The following TMEM50A variants were observed in gnomAD, a reference collection of about 807,000 sequenced individuals.
TMEM50A encodes transmembrane protein 50A.
A neutral mutation model predicts 23.9 loss-of-function variants in TMEM50A; 8 were observed. The observed-to-expected ratio is 0.33, with a 90% CI of 0.20 to 0.60. The LOEUF (loss-of-function observed/expected upper bound fraction) is 0.60. Ranked by LOEUF, TMEM50A falls within the 20% of genes least tolerant of loss-of-function variation. The probability of loss-of-function intolerance (pLI) is 0.81; values close to 1 mark genes in which losing one functional copy is unlikely to be tolerated. For synonymous variants in TMEM50A, 55 were observed against 60.4 expected (o/e 0.91, Z 0.41); for missense variants, 178 against 192.7 (o/e 0.92, Z 0.45).
intron 3 of TMEM50A, among the ~76,000 whole-genome samples, chr1:25,351,080 C>T (rs1341018869): frequency 2.0e-5 from 3 of 150,010 alleles, no homozygotes; most frequent in Non-Finnish European, 2.9e-5. Flanking sequence ...AGGAGAATGG[C>T]GTAAAACCTG....
chr1:25,356,742 A>ACTAAAT, intron 5 of TMEM50A, 51 bp from the exon 6 acceptor site: 1 of 1,361,754 alleles, frequency 7.3e-7, no homozygotes, highest in African/African-American at 1.5e-5. Context: ...TATATCTGAA[A>ACTAAAT]CTAAATGTTT....
At chr1:25,345,782 G>A (rs537117209) in intron 3 of TMEM50A, among the ~76,000 whole-genome samples, 3 of 149,604 alleles carry the variant, frequency 2.0e-5, no homozygotes, top group African/African-American at 7.5e-5. Flanking sequence ...ATTTTAGTTT[G>A]TTTATTTATT....
Position 25,362,242 on chromosome 1 carries a change from T to C in TMEM50A, c.*1537T>C. 1 of 611,912 alleles carries C rather than the reference T, an allele frequency of 1.6e-6. No individual in the cohort carries two copies. The highest frequency in any genetic ancestry group is 2.1e-5 in the South Asian group (1 of 48,122). The allele number at this position is 611,912 out of a possible 1,614,324, so 37.9% of individuals were successfully genotyped here. ...TAAGCATGAGAAAGAATCTTAAGAA[T>C]TGTCAATAAAATTAACCCAAAACTT... On this transcript the variant is annotated 3_prime_UTR_variant, in exon 7 of 7. Transcript: ENST00000374358.
chr1:25,340,289 T>C (rs1041641014), intron 1 of TMEM50A, among the ~76,000 whole-genome samples, 185 bp from the exon 2 acceptor site: 1 of 152,190 alleles, frequency 6.6e-6, no homozygotes, highest in Non-Finnish European at 1.5e-5. Flanking sequence ...GATATTACTT[T>C]CCAAAGTTAT....
intron 3 of TMEM50A, among the ~76,000 whole-genome samples, chr1:25,345,695 G>A (rs907213567): frequency 2.0e-5 from 3 of 151,804 alleles, no homozygotes; most frequent in Admixed American, 6.6e-5. Context: ...GCTGTGAGCC[G>A]AGATCACACC....
At chr1:25,355,265 G>A (rs1404622985) in intron 5 of TMEM50A, among the ~76,000 whole-genome samples, 2 of 151,794 alleles carry the variant, frequency 1.3e-5, no homozygotes, top group East Asian at 2.0e-4. Flanking sequence ...CTGCGATCAC[G>A]CCACTGCACT....
intron 3 of TMEM50A, among the ~76,000 whole-genome samples, chr1:25,344,363 TAAAC>T (rs1441995798): frequency 6.6e-6 from 1 of 152,224 alleles, no homozygotes; most frequent in African/African-American, 2.4e-5. Context: ...TTAAAACCGG[TAAAC>T]AAAATTTATT....
Position 25,352,879 on chromosome 1 carries a change from A to T in TMEM50A, c.275-3A>T. ...ATTCTGGTAAAATATTATTTCTTTG[A>T]AGGTGCTCGCATTTGGCTTTTCGTT... On this transcript the variant is annotated splice_region_variant and splice_polypyrimidine_tract_variant and intron_variant, in intron 4 of 6. Transcript: ENST00000374358. The T allele has an allele frequency of 1.2e-6, 2 of 1,612,308 alleles. No individual in the cohort carries two copies. The highest frequency in any genetic ancestry group is 1.7e-6 in the Non-Finnish European group (2 of 1,179,372).
At chr1:25,356,906 C>T in intron 6 of TMEM50A, 53 bp downstream of exon 6, 1 of 1,318,404 alleles carries the variant, frequency 7.6e-7, no homozygotes, top group Non-Finnish European at 1.1e-6. Context: ...AAAATAGCTT[C>T]TTTTATATCA....
At position 25,356,806 on chromosome 1, in the gene TMEM50A, A is replaced by G. The variant is rs945165725; in HGVS notation, c.381A>G (p.Val127=). 5.7e-6 allele frequency: 9 copies of G among 1,591,804 alleles called. No homozygotes were observed. The highest frequency in any genetic ancestry group is 7.7e-6 in the Non-Finnish European group (9 of 1,172,792). ...GGYVAKEKDI[V]YPGIAVFFQN... is the part of the protein sequence containing the mutation. ...TTATTTTTACAGAAAAAGACATAGT[A>G]TACCCTGGAATTGCTGTATTTTTCC... Residue 127 remains valine, a synonymous_variant, in exon 6 of 7, where the codon GTA becomes GTG. Transcript: ENST00000374358.
rs1571806240 is a variant in TMEM50A, at chr1:25,355,498, A to T, written c.368-1295A>T. ...AGGAATGTCTTTATCTCATAATTTT[A>T]GGCTATTTTCCTGAAAGCTTCTGGA... is the stretch of plus-strand genomic sequence containing the variant. On this transcript the variant is annotated intron_variant, in intron 5 of 6. Coordinates refer to ENST00000374358, the MANE Select transcript of TMEM50A (RefSeq NM_014313.4). 2.6e-5 allele frequency among the ~76,000 whole-genome samples: 4 copies of T among 152,194 alleles called. 1 individual carries two copies. The East Asian group carries it at 7.7e-4, about 29-fold the overall frequency.
chr1:25,349,991 C>T (rs1645260021), intron 3 of TMEM50A, among the ~76,000 whole-genome samples: 1 of 152,180 alleles, frequency 6.6e-6, no homozygotes. Flanking sequence ...AAGGATACTT[C>T]TAAAGAAAGC....
At chr1:25,346,570 A>C (rs893082671) in intron 3 of TMEM50A, among the ~76,000 whole-genome samples, 6 of 152,006 alleles carry the variant, frequency 3.9e-5, no homozygotes, top group Non-Finnish European at 8.8e-5. Context: ...TATTTTTTAA[A>C]CAGTTTTTTT....
chr1:25,353,048 AT>A, intron 5 of TMEM50A, 74 bp downstream of exon 5: 1 of 1,430,850 alleles, frequency 7.0e-7, no homozygotes, highest in Non-Finnish European at 9.5e-7. Flanking sequence ...TTATTTTAGA[AT>A]AAAATTTTTT....
chr1:25,349,624 C>CT (rs891079003), intron 3 of TMEM50A, among the ~76,000 whole-genome samples: 14 of 149,970 alleles, frequency 9.3e-5, no homozygotes, highest in Admixed American at 2.0e-4. Context: ...CCTATATTCA[C>CT]TTTTTTTTTT....
intron 3 of TMEM50A, among the ~76,000 whole-genome samples, chr1:25,349,417 G>A (rs992430228): frequency 3.9e-5 from 6 of 152,172 alleles, no homozygotes; most frequent in Non-Finnish European, 8.8e-5. Context: ...AACGAGCTGA[G>A]AACCAGTAAC....
chr1:25,353,306 CAA>C (rs943301900), intron 5 of TMEM50A, among the ~76,000 whole-genome samples: 4 of 152,066 alleles, frequency 2.6e-5, no homozygotes, highest in African/African-American at 9.7e-5. Flanking sequence ...TTTTTAGAGA[CAA>C]GAGTCTCACT....
intron 1 of TMEM50A, among the ~76,000 whole-genome samples, chr1:25,339,377 A>G (rs1410775154): frequency 2.0e-5 from 3 of 152,212 alleles, no homozygotes; most frequent in Non-Finnish European, 4.4e-5. Flanking sequence ...ATTACTATTA[A>G]CCACGATTCT....
At chr1:25,344,765 T>C (rs1645197151) in intron 3 of TMEM50A, among the ~76,000 whole-genome samples, 1 of 151,966 alleles carries the variant, frequency 6.6e-6, no homozygotes, top group South Asian at 2.1e-4. Flanking sequence ...GTATATTTTC[T>C]TTAGGATTCA....
Sources: allele counts gnomAD v4.1 joint callset (sites outside exome capture counted in the v4.1 genomes callset), GRCh38; gene constraint gnomAD v4.1.1; transcripts MANE v1.5; gene names NCBI Gene and HGNC (gene_info 2026-07-23, HGNC 2026-07-21).